KAZN: variants seen among roughly 807,000 people sequenced by gnomAD.
KAZN encodes kazrin, periplakin interacting protein, also known as kazrin.
Under a neutral mutation model 87.4 loss-of-function variants are expected in KAZN, and 40 were observed. That is an observed-to-expected ratio of 0.46 (90% CI 0.36 to 0.60). KAZN has a LOEUF of 0.60. Ranked by LOEUF, KAZN falls within the 20% of genes least tolerant of loss-of-function variation. KAZN has a pLI of 0.00. For missense variants in KAZN, 898 were observed against 1,073.9 expected (o/e 0.84, Z 2.29); for synonymous variants, 466 against 458.3 (o/e 1.02, Z -0.22).
intron 2 of KAZN, among the ~76,000 whole-genome samples, chr1:14,521,935 CAGTG>C (rs1299098850): frequency 1.6e-4 from 24 of 152,326 alleles, no homozygotes; most frequent in African/African-American, 5.5e-4. Context: ...CAGCACATTT[CAGTG>C]AGTACTGTGG....
intron 1 of KAZN, among the ~76,000 whole-genome samples, chr1:14,035,596 A>G (rs1170822051): frequency 8.2e-6 from 1 of 121,924 alleles, no homozygotes; most frequent in Non-Finnish European, 1.7e-5. Context: ...CAGCCCCTCA[A>G]GTAGCTGGGA....
chr1:14,189,983 C>A (rs1570973938), intron 2 of KAZN, among the ~76,000 whole-genome samples: 1 of 152,010 alleles, frequency 6.6e-6, no homozygotes, highest in East Asian at 1.9e-4. Flanking sequence ...TTCTTATACC[C>A]CTATATGTGC....
chr1:15,048,221 G>A (rs1673798310), intron 4 of KAZN, among the ~76,000 whole-genome samples: 1 of 152,224 alleles, frequency 6.6e-6, no homozygotes, highest in Non-Finnish European at 1.5e-5. Flanking sequence ...AAGCCAAAAA[G>A]ACATTTGCTT....
intron 2 of KAZN, among the ~76,000 whole-genome samples, chr1:14,360,794 T>C (rs1659438848): frequency 1.3e-5 from 2 of 152,232 alleles, no homozygotes; most frequent in South Asian, 4.1e-4. Context: ...GATTGCTGTC[T>C]GTTCCTTCCT....
chr1:14,561,259 G>A (rs182546985), intron 2 of KAZN, among the ~76,000 whole-genome samples: 278 of 152,298 alleles, frequency 1.8e-3, no homozygotes, highest in Non-Finnish European at 1.9e-3. Flanking sequence ...AAAGAAATGG[G>A]AATATTCCGA....
rs117470337 is a variant in KAZN, at chr1:14,094,960, T to G, written c.92-85475T>G. Among the ~76,000 whole-genome samples the G allele has an allele frequency of 2.7e-3, 405 of 152,286 alleles. 9 individuals carry two copies. The South Asian group carries it at 0.066, about 25-fold the overall frequency. ...GCATTTGGGGGCCGCAATGTTCAAATAAAAAGAAATTTGTGTCTTTAGGAT... is the reference window on the plus strand; with the variant it reads ...GCATTTGGGGGCCGCAATGTTCAAAGAAAAAGAAATTTGTGTCTTTAGGAT... On this transcript the variant is annotated intron_variant, in intron 1 of 16. Coordinates refer to the KAZN transcript ENST00000636203.
chr1:13,963,772 TG>T (rs1188001767), intron 1 of KAZN, among the ~76,000 whole-genome samples: 1 of 84,900 alleles, frequency 1.2e-5, no homozygotes, highest in African/African-American at 5.8e-5. Context: ...TGTGTGTGTG[TG>T]TGTGTGTGTG....
chr1:14,916,694 C>T (rs966051026), intron 1 of KAZN, among the ~76,000 whole-genome samples: 4 of 152,178 alleles, frequency 2.6e-5, no homozygotes, highest in Non-Finnish European at 5.9e-5. Flanking sequence ...AGGAGGACCA[C>T]TTAACGCCAG....
intron 1 of KAZN, chr1:14,180,300 T>C (rs1212828255): frequency 9.0e-6 from 6 of 669,810 alleles, no homozygotes; most frequent in South Asian, 2.1e-5. Flanking sequence ...AATTTATAGA[T>C]GTGTCAAGTT....
intron 2 of KAZN, among the ~76,000 whole-genome samples, chr1:14,524,117 A>G (rs1035649688): frequency 3.3e-5 from 5 of 151,866 alleles, no homozygotes; most frequent in African/African-American, 1.2e-4. Context: ...TGCCTCCCAG[A>G]TTCAAGCGAT....
chr1:15,002,240 C>A (rs548570185), intron 2 of KAZN, among the ~76,000 whole-genome samples: 3 of 152,168 alleles, frequency 2.0e-5, no homozygotes, highest in Non-Finnish European at 4.4e-5. Flanking sequence ...AGGCTGGCCC[C>A]AGCCAAAATT....
chr1:14,978,426 C>T (rs990497772), intron 2 of KAZN, among the ~76,000 whole-genome samples: 4 of 152,064 alleles, frequency 2.6e-5, no homozygotes, highest in Non-Finnish European at 4.4e-5. Flanking sequence ...GGAGGAGGGT[C>T]GACATGTGGT....
chr1:14,467,460 G>A (rs1251344517), intron 2 of KAZN, among the ~76,000 whole-genome samples: 5 of 151,776 alleles, frequency 3.3e-5, no homozygotes, highest in Non-Finnish European at 5.9e-5. Context: ...TAGCAAAATG[G>A]CAGATGTCAA....
chr1:14,916,872 C>T (rs1657872323), intron 1 of KAZN, among the ~76,000 whole-genome samples: 1 of 151,794 alleles, frequency 6.6e-6, no homozygotes, highest in Non-Finnish European at 1.5e-5. Flanking sequence ...CATCATCATA[C>T]CACTGCATTC....
intron 1 of KAZN, among the ~76,000 whole-genome samples, chr1:14,035,269 A>G (rs1641504938): frequency 6.6e-6 from 1 of 152,040 alleles, no homozygotes; most frequent in South Asian, 2.1e-4. Flanking sequence ...AGTAGATACC[A>G]GTTGAGGATG....
chr1:14,651,438 G>A (rs1048841017), intron 1 of KAZN, among the ~76,000 whole-genome samples: 1 of 152,116 alleles, frequency 6.6e-6, no homozygotes, highest in African/African-American at 2.4e-5. Flanking sequence ...AGGGATCAGA[G>A]GAATAGTGGA....
intron 2 of KAZN, among the ~76,000 whole-genome samples, chr1:14,549,057 T>C (rs1673343048): frequency 6.6e-6 from 1 of 152,248 alleles, no homozygotes; most frequent in African/African-American, 2.4e-5. Flanking sequence ...TGCCTGTCTA[T>C]AGGAAGGCAG....
Position 14,177,792 on chromosome 1 carries a change from GTGTT to G in KAZN, c.92-2641_92-2638del, listed in dbSNP as rs753638100. Among the ~76,000 whole-genome samples the G allele has an allele frequency of 3.9e-3, 484 of 122,800 alleles. 1 individual carries two copies. Among genetic ancestry groups the G allele is most frequent in the South Asian group, 0.022 (83 of 3,770 alleles). The allele number at this position is 122,800 out of a possible 152,430, so 80.6% of individuals were successfully genotyped here. On this transcript the variant is annotated intron_variant, in intron 1 of 16. Coordinates refer to the KAZN transcript ENST00000636203. ...ATTTTCTCATTTTCACTGTGTGTGT[GTGTT>G]TTTTTTTTTTTTTTTAGTAATTTGA...
At chr1:14,966,796 C>A (rs898772377) in intron 2 of KAZN, among the ~76,000 whole-genome samples, 1 of 151,986 alleles carries the variant, frequency 6.6e-6, no homozygotes, top group African/African-American at 2.4e-5. Context: ...CTCAGCCCTG[C>A]GAGTAGCTGG....
Sources: allele counts gnomAD v4.1 joint callset (sites outside exome capture counted in the v4.1 genomes callset), GRCh38; gene constraint gnomAD v4.1.1; transcripts MANE v1.5; gene names NCBI Gene and HGNC (gene_info 2026-07-23, HGNC 2026-07-21).